The following CIB2 variants were observed in gnomAD, a reference collection of about 807,000 sequenced individuals.
CIB2 encodes calcium and integrin binding family member 2, also known as calcium and integrin-binding family member 2.
Under a neutral mutation model 23.1 loss-of-function variants are expected in CIB2, and 19 were observed. That is an observed-to-expected ratio of 0.82 (90% confidence interval 0.57 to 1.21). The LOEUF (loss-of-function observed/expected upper bound fraction) is 1.21, where lower values mean the gene tolerates loss of function less well. CIB2 is among the 50% of genes most tolerant of loss of function. CIB2 has a pLI of 0.00. For synonymous variants in CIB2, 94 were observed against 91.7 expected (o/e 1.03, Z -0.14); for missense variants, 220 against 241.5 (o/e 0.91, Z 0.59).
rs189332809 is a variant in CIB2, at chr15:78,121,468, T to C, written c.86+2237A>G. Among the ~76,000 whole-genome samples, 8 of 152,326 alleles carry C rather than the reference T, an allele frequency of 5.3e-5. No homozygotes were observed. In the East Asian group the frequency reaches 1.5e-3, roughly 29 times the overall value. On this transcript the variant is annotated intron_variant, in intron 2 of 5. Coordinates refer to ENST00000258930, the MANE Select transcript of CIB2 (RefSeq NM_006383.4). ...GGATACCCCTGATATGGTTTGGCTG[T>C]GTCCCTACCCAAATCTCATCTTGAA...
intron 2 of CIB2, among the ~76,000 whole-genome samples, chr15:78,114,166 G>A (rs1303815662): frequency 3.3e-5 from 5 of 152,196 alleles, no homozygotes; most frequent in African/African-American, 4.8e-5. Flanking sequence ...TGCCTGCCAC[G>A]TCAGAGGCTC....
chr15:78,108,512 G>A (rs1170696818), intron 4 of CIB2, among the ~76,000 whole-genome samples: 4 of 152,164 alleles, frequency 2.6e-5, no homozygotes, highest in Admixed American at 2.0e-4. Context: ...ATGAGTGCCC[G>A]CCGCCCTCTG....
At chr15:78,116,331 G>A (rs149250496) in intron 2 of CIB2, among the ~76,000 whole-genome samples, 3 of 152,054 alleles carry the variant, frequency 2.0e-5, no homozygotes, top group Non-Finnish European at 4.4e-5. Flanking sequence ...GTCAGGCATG[G>A]TGGTATGTGC....
intron 2 of CIB2, among the ~76,000 whole-genome samples, chr15:78,118,251 T>G (rs1333818647): frequency 6.6e-6 from 1 of 152,148 alleles, no homozygotes; most frequent in Non-Finnish European, 1.5e-5. Context: ...TTATCTTGGG[T>G]AGTAGGGGGA....
intron 3 of CIB2, 35 bp from the exon 4 acceptor site, chr15:78,109,417 C>A: frequency 6.2e-7 from 1 of 1,612,686 alleles, no homozygotes; most frequent in Non-Finnish European, 8.5e-7. Flanking sequence ...ACTGTGGGTG[C>A]AGGATAAGCA....
intron 2 of CIB2, among the ~76,000 whole-genome samples, chr15:78,113,182 G>C (rs1342252636): frequency 6.6e-6 from 1 of 152,170 alleles, no homozygotes; most frequent in Non-Finnish European, 1.5e-5. Context: ...GCCCTGGTAA[G>C]CACATCATCT....
chr15:78,125,633 T>C (rs969148661), intron 1 of CIB2, among the ~76,000 whole-genome samples: 2 of 152,212 alleles, frequency 1.3e-5, no homozygotes, highest in African/African-American at 4.8e-5. Flanking sequence ...GGTGAAAATG[T>C]AGATTCTTAG....
At chr15:78,124,371 G>C (rs1236445722) in intron 1 of CIB2, among the ~76,000 whole-genome samples, 1 of 151,894 alleles carries the variant, frequency 6.6e-6, no homozygotes, top group Admixed American at 6.5e-5. Context: ...GGGTAGAGGT[G>C]AGGGTAGGGG....
At chr15:78,124,393 C>G (rs1272910391) in intron 1 of CIB2, among the ~76,000 whole-genome samples, 2 of 151,384 alleles carry the variant, frequency 1.3e-5, no homozygotes, top group Non-Finnish European at 2.9e-5. Context: ...TGCTGGGGAT[C>G]CCCAGGTAAG....
intron 1 of CIB2, among the ~76,000 whole-genome samples, chr15:78,130,575 G>T (rs2074440138): frequency 6.6e-6 from 1 of 152,182 alleles, no homozygotes; most frequent in African/African-American, 2.4e-5. Flanking sequence ...GAGGGCCTAA[G>T]GGAGCTGGGA....
rs147256420 is a variant in CIB2, at chr15:78,130,081, A to G, written c.51+1084T>C. Among the ~76,000 whole-genome samples the G allele has an allele frequency of 4.4e-3, 672 of 152,236 alleles. 2 individuals are homozygous for G. Among genetic ancestry groups the G allele is most frequent in the African/African-American group, 0.015 (621 of 41,526 alleles). On this transcript the variant is annotated intron_variant, in intron 1 of 5. Transcript: ENST00000258930. ...CCACACTTCACACCTGCTTTCCTTC[A>G]CAGCCAAAGTAAGCACTGATGAAGG... is the stretch of plus-strand genomic sequence containing the variant.
At chr15:78,106,085 C>T (rs750435152) in intron 4 of CIB2, 151 bp from the exon 5 acceptor site, 33 of 671,926 alleles carry the variant, frequency 4.9e-5, no homozygotes, top group Non-Finnish European at 8.3e-5. Context: ...GATACTGGAT[C>T]CCTGCCCCCA....
chr15:78,119,597 C>T (rs1033331819), intron 2 of CIB2, among the ~76,000 whole-genome samples: 6 of 151,430 alleles, frequency 4.0e-5, no homozygotes, highest in South Asian at 4.2e-4. Context: ...GATGGAGTCT[C>T]GCTTTGTAGC....
intron 3 of CIB2, among the ~76,000 whole-genome samples, chr15:78,110,223 A>G (rs976192576): frequency 6.6e-6 from 1 of 152,302 alleles, no homozygotes; most frequent in Admixed American, 6.5e-5. Context: ...TTCCATCCCA[A>G]CTGAGCTAGC....
intron 1 of CIB2, among the ~76,000 whole-genome samples, chr15:78,126,228 C>T (rs570475920): frequency 1.3e-4 from 19 of 151,440 alleles, no homozygotes; most frequent in African/African-American, 3.9e-4. Context: ...CTGCAACCTC[C>T]GCCTCCTGGG....
intron 1 of CIB2, among the ~76,000 whole-genome samples, chr15:78,126,142 C>T (rs575461903): frequency 2.3e-5 from 3 of 131,928 alleles, no homozygotes; most frequent in African/African-American, 8.7e-5. Context: ...TTTCCCCTGC[C>T]CCCCCCCCTT....
Position 78,105,142 on chromosome 15 carries a change from G to A in CIB2, c.*169C>T, listed in dbSNP as rs2074046251. 1.9e-5 allele frequency: 17 copies of A among 911,848 alleles called. No individual in the cohort carries two copies. The highest frequency in any genetic ancestry group is 2.6e-5 in the Non-Finnish European group (16 of 608,390). The allele number at this position is 911,848 out of a possible 1,614,324, so 56.5% of individuals were successfully genotyped here. Reference sequence around the variant, plus strand: ...TGTGGGAAGGGTCCTAACCTTCACAGGCCCCCTTCCTGGTTAAGGTTTTTT... The same window carrying A: ...TGTGGGAAGGGTCCTAACCTTCACAAGCCCCCTTCCTGGTTAAGGTTTTTT... On this transcript the variant is annotated 3_prime_UTR_variant, in exon 6 of 6. Coordinates refer to ENST00000258930, the MANE Select transcript of CIB2 (RefSeq NM_006383.4).
chr15:78,129,595 C>A (rs1190310752), intron 1 of CIB2, among the ~76,000 whole-genome samples: 1 of 152,208 alleles, frequency 6.6e-6, no homozygotes, highest in Admixed American at 6.5e-5. Flanking sequence ...CCCTTCCCTG[C>A]TGGCCTCCCA....
chr15:78,113,429 T>C (rs753728481), intron 2 of CIB2, among the ~76,000 whole-genome samples: 38 of 151,572 alleles, frequency 2.5e-4, no homozygotes, highest in Non-Finnish European at 4.9e-4. Context: ...CTTTCTTTGC[T>C]CCTATTTCTT....
Sources: allele counts gnomAD v4.1 joint callset (sites outside exome capture counted in the v4.1 genomes callset), GRCh38; gene constraint gnomAD v4.1.1; transcripts MANE v1.5; gene names NCBI Gene and HGNC (gene_info 2026-07-23, HGNC 2026-07-21).